TRHDE: variants seen among roughly 807,000 people sequenced by gnomAD.
TRHDE encodes thyrotropin-releasing hormone-degrading ectoenzyme.
A neutral mutation model predicts 125.7 loss-of-function variants in TRHDE; 72 were observed. The observed-to-expected ratio is 0.57, with a 90% confidence interval of 0.47 to 0.70. The LOEUF (loss-of-function observed/expected upper bound fraction) is 0.70, where lower values mean the gene tolerates loss of function less well. TRHDE is among the 30% of genes least tolerant of loss of function. The pLI is 0.00. For missense variants in TRHDE, 1,110 were observed against 1,327.1 expected (o/e 0.84, Z 2.54); for synonymous variants, 509 against 509.1 (o/e 1.00, Z 0.00).
chr12:72,343,251 AC>A (rs1870164408), intron 2 of TRHDE, among the ~76,000 whole-genome samples: 1 of 151,268 alleles, frequency 6.6e-6, no homozygotes, highest in East Asian at 2.0e-4. Flanking sequence ...GCCAGGGAAC[AC>A]CCCCCACCCC....
intron 3 of TRHDE, among the ~76,000 whole-genome samples, chr12:72,420,399 G>A: frequency 6.6e-6 from 1 of 152,156 alleles, no homozygotes; most frequent in Non-Finnish European, 1.5e-5. Context: ...ACTGTCTCAT[G>A]TCTGGAAGGT....
At chr12:72,333,410 G>T (rs553627770) in intron 2 of TRHDE, among the ~76,000 whole-genome samples, 22 of 152,348 alleles carry the variant, frequency 1.4e-4, no homozygotes, top group African/African-American at 5.0e-4. Flanking sequence ...GAATAGGAGA[G>T]AGTAGTAATC....
At chr12:72,321,919 C>G (rs573646316) in intron 2 of TRHDE, among the ~76,000 whole-genome samples, 1 of 152,056 alleles carries the variant, frequency 6.6e-6, no homozygotes, top group East Asian at 1.9e-4. Context: ...AGGCTATATT[C>G]CACTAACATC....
Position 72,663,062 on chromosome 12 carries a change from T to G in TRHDE, c.3077T>G (p.Phe1026Cys). ...TEGELKELKN[F>C]MKNYDGVAAA... ...AATTTCTCTTTCCAGCTCAAGAACT[T>G]CATGAAAAACTATGATGGGGTAGCT... The change falls in exon 19 of 19, where the codon TTC becomes TGC. Residue 1026 changes from phenylalanine to cysteine, a missense_variant. Phe to Cys is a radical substitution (Grantham distance 205). Coordinates refer to ENST00000261180, the MANE Select transcript of TRHDE (RefSeq NM_013381.3). 1 of 1,609,434 alleles carries G rather than the reference T, an allele frequency of 6.2e-7. No individual in the cohort carries two copies. The highest frequency in any genetic ancestry group is 1.7e-5 in the Admixed American group (1 of 59,240).
intron 3 of TRHDE, among the ~76,000 whole-genome samples, chr12:72,394,889 A>G (rs377565218): frequency 6.6e-6 from 1 of 152,188 alleles, no homozygotes; most frequent in Non-Finnish European, 1.5e-5. Context: ...CCCAGGAATC[A>G]TATTTCACCA....
chr12:72,234,821 A>G (rs1230865532), intron 2 of TRHDE, among the ~76,000 whole-genome samples: 3 of 152,342 alleles, frequency 2.0e-5, no homozygotes, highest in Admixed American at 2.0e-4. Flanking sequence ...CCACTTCTTA[A>G]TAAGCTAAAA....
chr12:72,091,546 G>A (rs1487874644), intron 1 of TRHDE, among the ~76,000 whole-genome samples: 1 of 152,034 alleles, frequency 6.6e-6, no homozygotes, highest in Non-Finnish European at 1.5e-5. Context: ...CTTTTCTTCT[G>A]GTAACAGTGC....
rs1565670055 is a variant in TRHDE, at chr12:72,238,341, AT to A, written n.279+132590del. On this transcript the variant is annotated intron_variant and non_coding_transcript_variant, in intron 2 of 4. Transcript: ENST00000548156. ...ATATATACATATATATATACACATT[AT>A]ATATATATATATATATATATACACA... Among the ~76,000 whole-genome samples, 113 of 43,256 alleles carry A rather than the reference AT, an allele frequency of 2.6e-3. 18 individuals are homozygous for A. Among genetic ancestry groups the A allele is most frequent in the African/African-American group, 6.8e-3 (80 of 11,722 alleles). 28.4% of individuals were successfully genotyped at this position (43,256 alleles called of 152,430 possible).
At chr12:72,288,584 G>A (rs1173938045) in intron 2 of TRHDE, among the ~76,000 whole-genome samples, 1 of 152,148 alleles carries the variant, frequency 6.6e-6, no homozygotes, top group Non-Finnish European at 1.5e-5. Flanking sequence ...GGAACACGAA[G>A]ACATCTCATT....
chr12:72,116,373 C>T (rs1875443731), intron 2 of TRHDE, among the ~76,000 whole-genome samples: 2 of 152,246 alleles, frequency 1.3e-5, no homozygotes, highest in South Asian at 4.1e-4. Flanking sequence ...TGGGTATATA[C>T]ACAGTAATGG....
chr12:72,226,165 C>T (rs922623053), intron 2 of TRHDE, among the ~76,000 whole-genome samples: 4 of 152,270 alleles, frequency 2.6e-5, no homozygotes, highest in South Asian at 2.1e-4. Flanking sequence ...TGTAATCCCA[C>T]GGGTCTTTAT....
intron 1 of TRHDE, among the ~76,000 whole-genome samples, chr12:72,275,623 G>T (rs918033074): frequency 6.6e-6 from 1 of 152,206 alleles, no homozygotes; most frequent in African/African-American, 2.4e-5. Flanking sequence ...TCTTGCTGCA[G>T]TGAAATAAAT....
chr12:72,302,072 A>T (rs567963555), intron 2 of TRHDE, among the ~76,000 whole-genome samples: 2 of 152,020 alleles, frequency 1.3e-5, no homozygotes, highest in African/African-American at 4.8e-5. Flanking sequence ...AGGAAGTGAG[A>T]TGTTCGTGAA....
intron 3 of TRHDE, among the ~76,000 whole-genome samples, chr12:72,383,400 G>A (rs1312111466): frequency 7.3e-5 from 9 of 123,840 alleles, no homozygotes; most frequent in African/African-American, 1.0e-4. Flanking sequence ...TTTTTGAGAC[G>A]GAGTCTGGCT....
At chr12:72,157,356 T>C (rs947557404) in intron 2 of TRHDE, among the ~76,000 whole-genome samples, 1 of 152,176 alleles carries the variant, frequency 6.6e-6, no homozygotes, top group Non-Finnish European at 1.5e-5. Flanking sequence ...AGAGTGACAT[T>C]ATCTCATGTG....
intron 12 of TRHDE, among the ~76,000 whole-genome samples, chr12:72,588,869 T>C (rs935737149): frequency 6.6e-6 from 1 of 152,080 alleles, no homozygotes; most frequent in African/African-American, 2.4e-5. Context: ...CTTACAATCA[T>C]GGTGGAAAGG....
intron 12 of TRHDE, among the ~76,000 whole-genome samples, chr12:72,618,319 G>A (rs1229587425): frequency 6.6e-6 from 1 of 152,024 alleles, no homozygotes; most frequent in Non-Finnish European, 1.5e-5. Flanking sequence ...TAACATTTTT[G>A]TAATTTGGAC....
chr12:72,454,118 C>T (rs574231112), intron 3 of TRHDE, among the ~76,000 whole-genome samples: 12 of 151,836 alleles, frequency 7.9e-5, no homozygotes, highest in South Asian at 2.1e-4. Context: ...GGCACATATG[C>T]GTGTAGAGTG....
intron 7 of TRHDE, among the ~76,000 whole-genome samples, chr12:72,547,756 A>G (rs1235252081): frequency 1.3e-5 from 2 of 151,860 alleles, no homozygotes; most frequent in African/African-American, 4.8e-5. Context: ...ATAATTCCAA[A>G]GAGTAATGAT....
Sources: gnomAD v4.1 joint callset for allele counts (sites outside exome capture counted in the v4.1 genomes callset) on GRCh38, gnomAD v4.1.1 for gene constraint, MANE v1.5 for transcripts, NCBI Gene and HGNC (gene_info 2026-07-23, HGNC 2026-07-21) for gene names.